MYOM1: variants seen among roughly 807,000 people sequenced by gnomAD.
MYOM1 encodes myomesin 1.
In MYOM1, 164 loss-of-function variants were observed where a neutral mutation model predicts 205.3. That is an observed-to-expected ratio of 0.80 (90% CI 0.70 to 0.91). MYOM1 has a LOEUF of 0.91. MYOM1 is among the 40% of genes least tolerant of loss of function. The pLI is 0.00. For synonymous variants in MYOM1, 772 were observed against 789.4 expected (o/e 0.98, Z 0.37); for missense variants, 2,011 against 2,127.3 (o/e 0.95, Z 1.08).
At chr18:3,098,370 C>T (rs532863098) in intron 25 of MYOM1, among the ~76,000 whole-genome samples, 5 of 152,132 alleles carry the variant, frequency 3.3e-5, no homozygotes, top group South Asian at 2.1e-4. Context: ...CTTCGCCTCC[C>T]GGGTTCAAGC....
chr18:3,223,259 A>T (rs1026091369), upstream of MYOM1, among the ~76,000 whole-genome samples: 4 of 152,364 alleles, frequency 2.6e-5, no homozygotes, highest in East Asian at 7.7e-4. Flanking sequence ...ATTGTAAAAC[A>T]GTATTACTTC....
chr18:3,142,279 G>A (rs114313271), intron 13 of MYOM1, among the ~76,000 whole-genome samples: 1 of 151,686 alleles, frequency 6.6e-6, no homozygotes, highest in Admixed American at 6.6e-5. Flanking sequence ...TTTTTGGAGG[G>A]GGGGAAGGGT....
intron 14 of MYOM1, among the ~76,000 whole-genome samples, chr18:3,137,012 A>G (rs1006304147): frequency 2.0e-5 from 3 of 149,618 alleles, no homozygotes; most frequent in East Asian, 2.0e-4. Context: ...GTGCAGTGGC[A>G]CAATCTCGGC....
At chr18:3,187,363 A>G (rs2080831631) in intron 5 of MYOM1, 117 bp downstream of exon 5, 2 of 1,178,742 alleles carry the variant, frequency 1.7e-6, no homozygotes, top group Non-Finnish European at 1.2e-6. Context: ...TTAAAAACCT[A>G]TACAATCTTG....
At chr18:3,238,380 G>A in the MYOM1 span, among the ~76,000 whole-genome samples, 255 of 152,200 alleles carry the variant, frequency 1.7e-3, 1 homozygote, top group African/African-American at 5.9e-3. Flanking sequence ...CTGGGGGAGG[G>A]GGGAGGCAGG....
chr18:3,116,444 G>A lies in MYOM1; in HGVS notation c.3190C>T (p.His1064Tyr), dbSNP rs755409090. ...CCAGTGACCGGAGTCCGCCCGGAGT[G>A]GACTGGCGGCTTCCACTGGAGAACC... The part of the protein sequence containing the change: ...SLVLQWKPPV[H>Y]SGRTPVTGYF... Residue 1064 changes from histidine to tyrosine, a missense_variant, in exon 21 of 38, where the codon CAC (histidine) becomes TAC (tyrosine). By Grantham distance (83) the His-to-Tyr change is moderately conservative (BLOSUM62 2). Transcript: ENST00000356443. The A allele has an allele frequency of 2.4e-5, 39 of 1,612,330 alleles. No individual in the cohort carries two copies. Among genetic ancestry groups the A allele is most frequent in the Non-Finnish European group, 2.0e-5 (24 of 1,179,220 alleles).
At position 3,188,976 on chromosome 18, in the gene MYOM1, AG is replaced by A. The variant is rs1244447557; in HGVS notation, c.542del (p.Ser181LeufsTer64). ...LLASEEGITTSKQSTASKQTT... is the reference protein window; with the variant it reads ...LLASEEGITTXKQSTASKQTT... ...TCTGCTTGGATGCCGTGGACTGTTT[AG>A]ATGTTGTGATTCCTTCCTCACTAGC... On this transcript the variant is annotated frameshift_variant, in exon 4 of 38. Transcript: ENST00000356443. LOFTEE classifies it high-confidence loss of function. The A allele has an allele frequency of 6.2e-7, 1 of 1,613,082 alleles. No individual in the cohort carries two copies. The highest frequency in any genetic ancestry group is 2.2e-5 in the East Asian group (1 of 44,786).
chr18:3,078,956 G>C (rs1233111969), intron 34 of MYOM1, among the ~76,000 whole-genome samples: 2 of 144,736 alleles, frequency 1.4e-5, no homozygotes, highest in African/African-American at 5.1e-5. Context: ...ACAGGTGTGT[G>C]CCACTTTACC....
the MYOM1 span, among the ~76,000 whole-genome samples, chr18:3,240,051 G>C: frequency 6.6e-6 from 1 of 152,094 alleles, no homozygotes; most frequent in Non-Finnish European, 1.5e-5. Context: ...TAAAAGATTG[G>C]CTAAAGTAAG....
chr18:3,155,105 G>T lies in MYOM1; in HGVS notation c.1502-17C>A. ...CATCAGCATCTGTGGAGACAGAGAA[G>T]GATCCCATTAACCCTCTCAGACATG... On this transcript the variant is annotated splice_polypyrimidine_tract_variant and intron_variant, in intron 10 of 37. Transcript: ENST00000356443. 1 of 1,603,250 alleles carries T rather than the reference G, an allele frequency of 6.2e-7. No homozygotes were observed. Among genetic ancestry groups the T allele is most frequent in the Non-Finnish European group, 8.5e-7 (1 of 1,174,206 alleles).
At chr18:3,078,243 T>C (rs780105969) in intron 34 of MYOM1, among the ~76,000 whole-genome samples, 12 of 152,110 alleles carry the variant, frequency 7.9e-5, no homozygotes, top group Non-Finnish European at 1.5e-4. Context: ...GGTTTCACCA[T>C]GTTGGCCAGG....
chr18:3,067,530 C>A lies in MYOM1; in HGVS notation c.4790G>T (p.Trp1597Leu). 1 of 1,613,788 alleles carries A rather than the reference C, an allele frequency of 6.2e-7. No individual in the cohort carries two copies. Among genetic ancestry groups the A allele is most frequent in the Non-Finnish European group, 8.5e-7 (1 of 1,179,828 alleles). The change falls in exon 38 of 38, where the codon TGG becomes TTG. Residue 1597 changes from tryptophan to leucine, a missense_variant. By Grantham distance (61) the Trp-to-Leu change is moderately conservative (BLOSUM62 -2). Coordinates refer to ENST00000356443, the MANE Select transcript of MYOM1 (RefSeq NM_003803.4). The stretch of plus-strand genomic sequence containing the variant: ...CGACACCTCCGGAGGCGGGTCTCCC[C>A]ACACGTTGCAAGTGAGATTAAGGGC... ...GKALNLTCNV[W>L]GDPPPEVSWL...
chr18:3,162,975 G>C (rs1222691299), intron 10 of MYOM1, among the ~76,000 whole-genome samples: 1 of 148,740 alleles, frequency 6.7e-6, no homozygotes, highest in East Asian at 2.0e-4. Flanking sequence ...GCAGTGAGCC[G>C]AGATCAAGCC....
chr18:3,215,088 A>G lies in MYOM1; in HGVS notation c.136T>C (p.Tyr46His), dbSNP rs201544310. The G allele has an allele frequency of 4.5e-5, 73 of 1,613,652 alleles. No individual in the cohort carries two copies. The African/African-American group carries it at 9.3e-4, about 21-fold the overall frequency. Residue 46 changes from tyrosine to histidine, a missense_variant, in exon 2 of 38, where the codon TAC (tyrosine) becomes CAC (histidine). By Grantham distance (83) the Tyr-to-His change is moderately conservative. Coordinates refer to ENST00000356443, the MANE Select transcript of MYOM1 (RefSeq NM_003803.4). ...SAVYTQGSTAYSSRSSAAHRR... is the reference protein window; with the variant it reads ...SAVYTQGSTAHSSRSSAAHRR... The stretch of plus-strand genomic sequence containing the variant: ...TGCGCGGCGGAGGAGCGGCTGCTGT[A>G]GGCCGTGGAGCCCTGGGTGTAGACG...
At chr18:3,098,335 T>C in intron 25 of MYOM1, among the ~76,000 whole-genome samples, 1 of 152,176 alleles carries the variant, frequency 6.6e-6, no homozygotes. Context: ...TGGAGTGCAG[T>C]GGCACGATCT....
At chr18:3,125,263 G>A (rs1241883353) in intron 19 of MYOM1, among the ~76,000 whole-genome samples, 1 of 152,232 alleles carries the variant, frequency 6.6e-6, no homozygotes, top group African/African-American at 2.4e-5. Context: ...GTGCACATAT[G>A]TAGCAGCAGA....
At position 3,187,621 on chromosome 18, in the gene MYOM1, G is replaced by A. The variant is rs1425442242; in HGVS notation, c.788C>T (p.Thr263Ile). 6.2e-7 allele frequency: 1 copy of A among 1,603,626 alleles called. No homozygotes were observed. Among genetic ancestry groups the A allele is most frequent in the African/African-American group, 1.3e-5 (1 of 74,768 alleles). Residue 263 changes from threonine to isoleucine, a missense_variant, in exon 5 of 38, where the codon ACA becomes ATA. Thr to Ile is a moderately conservative substitution (Grantham distance 89, BLOSUM62 -1). Coordinates refer to ENST00000356443, the MANE Select transcript of MYOM1 (RefSeq NM_003803.4). The stretch of plus-strand genomic sequence containing the variant: ...GTCTTCATTCAGCTTGGCATGATAT[G>A]TCTCGGTTTCTTCTAACTGAAAAAA... ...SLRKTLEETE[T>I]YHAKLNEDHL...
chr18:3,116,102 T>C (rs1282602597), intron 21 of MYOM1, among the ~76,000 whole-genome samples: 1 of 152,194 alleles, frequency 6.6e-6, no homozygotes, highest in Non-Finnish European at 1.5e-5. Context: ...AGGAAGGAGC[T>C]GCTGGGTGCA....
chr18:3,108,835 G>A (rs916064438), intron 22 of MYOM1, among the ~76,000 whole-genome samples: 7 of 151,446 alleles, frequency 4.6e-5, no homozygotes, highest in Middle Eastern at 3.4e-3. Flanking sequence ...CACCGTGTCC[G>A]GCCAATGACA....
Sources: gnomAD v4.1 joint callset for allele counts (sites outside exome capture counted in the v4.1 genomes callset) on GRCh38, gnomAD v4.1.1 for gene constraint, MANE v1.5 for transcripts, NCBI Gene and HGNC (gene_info 2026-07-23, HGNC 2026-07-21) for gene names.